Variants in CAMTA1 observed in about 807,000 individuals in gnomAD.
CAMTA1 encodes the protein calmodulin-binding transcription activator 1.
A neutral mutation model predicts 170.9 loss-of-function variants in CAMTA1; 27 were observed. The observed-to-expected ratio is 0.16, with a 90% CI of 0.12 to 0.22. The LOEUF is 0.22. Ranked by LOEUF, CAMTA1 falls within the 10% of genes least tolerant of loss-of-function variation. The pLI is 1.00. For synonymous variants in CAMTA1, 833 were observed against 891.5 expected, an observed-to-expected ratio of 0.93 and a Z score of 1.17; for missense variants, 1,619 against 2,217.2, an observed-to-expected ratio of 0.73 and a Z score of 5.42.
intron 4 of CAMTA1, among the ~76,000 whole-genome samples, chr1:7,241,788 A>C (rs1664899017): frequency 6.6e-6 from 1 of 152,246 alleles, no homozygotes; most frequent in Non-Finnish European, 1.5e-5. Flanking sequence ...CTCACACCAT[A>C]TGCAAAAATT....
At chr1:6,875,048 G>A (rs1480225391) in intron 3 of CAMTA1, among the ~76,000 whole-genome samples, 1 of 152,102 alleles carries the variant, frequency 6.6e-6, no homozygotes, top group Non-Finnish European at 1.5e-5. Context: ...CAAGGTGGGT[G>A]GTATGTTCAC....
chr1:7,149,611 T>C (rs1399035498), intron 4 of CAMTA1, among the ~76,000 whole-genome samples: 1 of 152,126 alleles, frequency 6.6e-6, no homozygotes, highest in Non-Finnish European at 1.5e-5. Flanking sequence ...GAAGGCGGAA[T>C]GTTGGCGATG....
chr1:6,989,606 G>T (rs1443366721), intron 3 of CAMTA1, among the ~76,000 whole-genome samples: 1 of 152,124 alleles, frequency 6.6e-6, no homozygotes, highest in African/African-American at 2.4e-5. Flanking sequence ...CCTAAGTGAG[G>T]CAGTAAACCT....
At chr1:7,253,885 C>T (rs1666975250) in intron 5 of CAMTA1, among the ~76,000 whole-genome samples, 1 of 152,080 alleles carries the variant, frequency 6.6e-6, no homozygotes, top group Admixed American at 6.5e-5. Flanking sequence ...TTTCTATCCA[C>T]CTAGTATGGC....
At chr1:7,747,348 CAA>C (rs1312622700) in intron 18 of CAMTA1, among the ~76,000 whole-genome samples, 1 of 152,026 alleles carries the variant, frequency 6.6e-6, no homozygotes, top group Non-Finnish European at 1.5e-5. Flanking sequence ...TAACCACTCC[CAA>C]AAAAGTGTTA....
chr1:6,861,648 T>C (rs1179744516), intron 3 of CAMTA1, among the ~76,000 whole-genome samples: 1 of 152,212 alleles, frequency 6.6e-6, no homozygotes, highest in Non-Finnish European at 1.5e-5. Flanking sequence ...TCTTCAACTT[T>C]AAAATTTTCT....
intron 4 of CAMTA1, among the ~76,000 whole-genome samples, chr1:7,120,059 G>T (rs1644554013): frequency 6.6e-6 from 1 of 152,162 alleles, no homozygotes; most frequent in African/African-American, 2.4e-5. Context: ...AACCGAGGCT[G>T]AGTAACTGGC....
rs189270981 is a variant in CAMTA1, at chr1:7,466,511, C to T, written c.439-1319C>T. Among the ~76,000 whole-genome samples, 458 of 152,288 alleles carry T rather than the reference C, an allele frequency of 3.0e-3. 4 individuals are homozygous for T. The highest frequency in any genetic ancestry group is 0.011 in the African/African-American group (441 of 41,554). On this transcript the variant is annotated intron_variant, in intron 5 of 22. Coordinates refer to ENST00000303635, the MANE Select transcript of CAMTA1 (RefSeq NM_015215.4). ...ACTCCTAGTTCAACCAAATTGCACC[C>T]GCTCTTTTGGGGGTGTAAATAATAG...
intron 1 of CAMTA1, among the ~76,000 whole-genome samples, chr1:6,816,665 TGGA>T (rs1645853274): frequency 6.6e-6 from 1 of 152,242 alleles, no homozygotes; most frequent in Admixed American, 6.5e-5. Flanking sequence ...TGTTGTCCTG[TGGA>T]CACAGTGGCT....
At chr1:7,244,009 T>A (rs912081275) in intron 4 of CAMTA1, among the ~76,000 whole-genome samples, 2 of 151,950 alleles carry the variant, frequency 1.3e-5, no homozygotes, top group Non-Finnish European at 2.9e-5. Flanking sequence ...AGGGCTAATA[T>A]CCAGAATCTA....
At chr1:7,507,989 C>T (rs1235833867) in intron 6 of CAMTA1, among the ~76,000 whole-genome samples, 1 of 152,268 alleles carries the variant, frequency 6.6e-6, no homozygotes, top group South Asian at 2.1e-4. Flanking sequence ...CCCACTTGTT[C>T]CTTCACCAAG....
intron 3 of CAMTA1, among the ~76,000 whole-genome samples, chr1:6,862,159 C>T (rs888177906): frequency 3.3e-5 from 5 of 152,148 alleles, no homozygotes; most frequent in African/African-American, 1.2e-4. Flanking sequence ...GACAGGATTT[C>T]ACCATGTTGG....
intron 4 of CAMTA1, among the ~76,000 whole-genome samples, chr1:7,104,171 CACAT>C (rs1643299443): frequency 6.6e-6 from 1 of 151,154 alleles, no homozygotes; most frequent in Non-Finnish European, 1.5e-5. Flanking sequence ...TACAACTACA[CACAT>C]ATACACACAA....
At chr1:7,327,083 G>A (rs2082726707) in intron 5 of CAMTA1, among the ~76,000 whole-genome samples, 1 of 152,102 alleles carries the variant, frequency 6.6e-6, no homozygotes, top group Non-Finnish European at 1.5e-5. Flanking sequence ...TAGTTAAGTG[G>A]ATAGGCGGGG....
At chr1:6,844,508 C>CAAAAA (rs34365054) in intron 3 of CAMTA1, among the ~76,000 whole-genome samples, 1 of 96,542 alleles carries the variant, frequency 1.0e-5, no homozygotes, top group African/African-American at 4.0e-5. Flanking sequence ...CATTGCATTA[C>CAAAAA]AAAAAAAAAA....
In CAMTA1 at chr1:7,635,262, A is replaced by G. The variant is rs966270613; in HGVS notation, c.511-5138A>G. The stretch of plus-strand genomic sequence containing the variant: ...ACAGGGTGGTGAACCCCACGGAAAC[A>G]TCAGGGCAGCCTGGGCAAGACAAAG... On this transcript the variant is annotated intron_variant, in intron 6 of 22. Transcript: ENST00000303635. The surrounding 1 kb of genome is among the most constrained non-coding windows in gnomAD (Gnocchi z 4.4). 3.3e-5 allele frequency among the ~76,000 whole-genome samples: 5 copies of G among 152,144 alleles called. No individual in the cohort carries two copies. Among genetic ancestry groups the G allele is most frequent in the Non-Finnish European group, 7.4e-5 (5 of 68,016 alleles).
intron 5 of CAMTA1, among the ~76,000 whole-genome samples, chr1:7,391,287 A>G (rs891671664): frequency 1.3e-5 from 2 of 151,452 alleles, no homozygotes; most frequent in African/African-American, 4.9e-5. Context: ...ATGAGCTACC[A>G]CACCCGGCTG....
At chr1:7,351,412 TAG>T (rs1232581186) in intron 5 of CAMTA1, among the ~76,000 whole-genome samples, 2 of 152,218 alleles carry the variant, frequency 1.3e-5, no homozygotes, top group African/African-American at 4.8e-5. Context: ...GCTGCTCTGC[TAG>T]AGAGGGCCAA....
In CAMTA1 at chr1:7,575,966, G is replaced by A. The variant is rs564350675; in HGVS notation, c.511-64434G>A. Among the ~76,000 whole-genome samples the A allele has an allele frequency of 1.1e-4, 17 of 152,218 alleles. No homozygotes were observed. In the East Asian group the frequency reaches 2.1e-3, roughly 19 times the overall value. On this transcript the variant is annotated intron_variant, in intron 6 of 22. Coordinates refer to ENST00000303635, the MANE Select transcript of CAMTA1 (RefSeq NM_015215.4). ...GATCAAGGAAATGGAGCAAGGAGGCGGGCCTGACTGCAGGAGGCTCAGCAC... is the reference window on the plus strand; with the variant it reads ...GATCAAGGAAATGGAGCAAGGAGGCAGGCCTGACTGCAGGAGGCTCAGCAC...
Sources: allele counts gnomAD v4.1 joint callset (sites outside exome capture counted in the v4.1 genomes callset), GRCh38; gene constraint gnomAD v4.1.1; non-coding constraint Gnocchi (gnomAD v3.1); transcripts MANE v1.5; gene names NCBI Gene and HGNC (gene_info 2026-07-23, HGNC 2026-07-21).